Variants in FOXP1 observed in about 807,000 individuals in gnomAD.
The protein encoded by FOXP1 is forkhead box P1.
FOXP1 carries 15 observed loss-of-function variants against 98.2 expected under a neutral mutation model. The ratio of observed to expected loss-of-function variants is 0.15; its 90% CI spans 0.10 to 0.24. FOXP1 has a LOEUF of 0.24. Among genes scored for constraint, FOXP1 ranks in the 10% least tolerant of loss-of-function variants. The pLI, the probability that FOXP1 is intolerant of heterozygous loss-of-function variation, is 1.00. For missense variants in FOXP1, 633 were observed against 848.5 expected (o/e 0.75, Z 3.15); for synonymous variants, 371 against 314.5 (o/e 1.18, Z -1.90).
At chr3:71,466,296 C>T (rs892728713) in intron 3 of FOXP1, among the ~76,000 whole-genome samples, 3 of 152,112 alleles carry the variant, frequency 2.0e-5, no homozygotes, top group Non-Finnish European at 2.9e-5. Context: ...TCTGAACAGG[C>T]GAGCTGCTAA....
intron 7 of FOXP1, among the ~76,000 whole-genome samples, chr3:71,105,458 G>A (rs924969680): frequency 2.0e-5 from 3 of 152,164 alleles, no homozygotes; most frequent in African/African-American, 4.8e-5. Flanking sequence ...GCATTTTAGT[G>A]ATAATGGTAA....
At chr3:71,413,749 A>G (rs2082980223) in intron 3 of FOXP1, among the ~76,000 whole-genome samples, 1 of 152,180 alleles carries the variant, frequency 6.6e-6, no homozygotes. Flanking sequence ...CCTCATTTTG[A>G]AAATATATAT....
chr3:71,080,681 C>T (rs1490203379), intron 7 of FOXP1, among the ~76,000 whole-genome samples: 2 of 152,240 alleles, frequency 1.3e-5, no homozygotes, highest in Non-Finnish European at 2.9e-5. Flanking sequence ...TCCTTTGGAA[C>T]ACTTCAAATC....
intron 7 of FOXP1, among the ~76,000 whole-genome samples, chr3:71,071,137 A>G (rs1034360963): frequency 1.3e-5 from 2 of 152,180 alleles, no homozygotes; most frequent in African/African-American, 2.4e-5. Flanking sequence ...TGACCACATA[A>G]AAGTCTCAAG....
At position 70,954,944 on chromosome 3, in the gene FOXP1, C is replaced by G; in HGVS notation, c.*4303G>C. 1 of 232,902 alleles carries G rather than the reference C, an allele frequency of 4.3e-6. No homozygotes were observed. The highest frequency in any genetic ancestry group is 2.2e-5 in the African/African-American group (1 of 45,452). The allele number at this position is 232,902 out of a possible 1,614,324, so 14.4% of individuals were successfully genotyped here. On this transcript the variant is annotated 3_prime_UTR_variant, in exon 21 of 21. Coordinates refer to ENST00000649528, the MANE Select transcript of FOXP1 (RefSeq NM_001349338.3). Reference sequence around the variant, plus strand: ...ACATATACATGAAGCACCATGCTCACAGTCCGGACTGTATCATCTTCATCA... The same window carrying G: ...ACATATACATGAAGCACCATGCTCAGAGTCCGGACTGTATCATCTTCATCA...
At chr3:71,449,980 T>C (rs1266810639) in intron 3 of FOXP1, among the ~76,000 whole-genome samples, 1 of 152,218 alleles carries the variant, frequency 6.6e-6, no homozygotes, top group East Asian at 1.9e-4. Context: ...TCCCAACATG[T>C]CTACGAATTG....
chr3:71,196,609 T>G (rs2063317569), intron 6 of FOXP1, among the ~76,000 whole-genome samples: 1 of 152,162 alleles, frequency 6.6e-6, no homozygotes, highest in Admixed American at 6.5e-5. Context: ...ACTTGTCTGG[T>G]AAGGGCACAG....
chr3:70,981,504 G>A (rs776678016), intron 14 of FOXP1, among the ~76,000 whole-genome samples: 11 of 152,194 alleles, frequency 7.2e-5, no homozygotes, highest in Non-Finnish European at 1.5e-4. Context: ...GTGATCTAAT[G>A]ATTAAATGCT....
intron 13 of FOXP1, among the ~76,000 whole-genome samples, chr3:71,000,373 G>A (rs1437724273): frequency 1.3e-5 from 2 of 151,570 alleles, no homozygotes; most frequent in East Asian, 1.9e-4. Flanking sequence ...AGATGTGCAC[G>A]GTGAACTCTC....
chr3:71,293,821 G>A (rs1460172605), intron 5 of FOXP1, among the ~76,000 whole-genome samples: 3 of 152,144 alleles, frequency 2.0e-5, no homozygotes, highest in African/African-American at 4.8e-5. Context: ...TAACTGTTGA[G>A]AGGCCATGTC....
intron 3 of FOXP1, among the ~76,000 whole-genome samples, chr3:71,475,440 A>C (rs2089744752): frequency 6.6e-6 from 1 of 152,152 alleles, no homozygotes; most frequent in African/African-American, 2.4e-5. Context: ...AACCCATGAG[A>C]AAGGAAGGGT....
intron 13 of FOXP1, among the ~76,000 whole-genome samples, chr3:70,989,873 T>C (rs2040338373): frequency 6.6e-6 from 1 of 152,130 alleles, no homozygotes; most frequent in South Asian, 2.1e-4. Flanking sequence ...AAAATCCAAA[T>C]CCTGGGCATT....
chr3:71,033,602 C>CAAAAAAAA (rs35470748), intron 11 of FOXP1, among the ~76,000 whole-genome samples: 6 of 70,636 alleles, frequency 8.5e-5, no homozygotes, highest in Non-Finnish European at 2.2e-4. Context: ...AGTGAACAGT[C>CAAAAAAAA]AAAAAAAAAA....
At chr3:71,343,625 G>A (rs1037687369) in intron 4 of FOXP1, among the ~76,000 whole-genome samples, 6 of 132,390 alleles carry the variant, frequency 4.5e-5, no homozygotes, top group Non-Finnish European at 6.1e-5. Context: ...GAGTGATCTC[G>A]GCTCACTGCA....
chr3:71,527,980 T>G (rs1431208100), intron 2 of FOXP1, among the ~76,000 whole-genome samples: 1 of 152,262 alleles, frequency 6.6e-6, no homozygotes, highest in African/African-American at 2.4e-5. Context: ...ATACAGACTT[T>G]GGGTCATTCA....
rs145905667 is a variant in FOXP1, at chr3:71,074,522, A to G, written c.283-20749T>C. Among the ~76,000 whole-genome samples the G allele has an allele frequency of 9.0e-4, 137 of 152,292 alleles. 1 individual carries two copies. Among genetic ancestry groups the G allele is most frequent in the African/African-American group, 3.2e-3 (131 of 41,574 alleles). On this transcript the variant is annotated intron_variant, in intron 7 of 20. Coordinates refer to ENST00000649528, the MANE Select transcript of FOXP1 (RefSeq NM_001349338.3). ...GATTACAGGCGTTGAGTCACTGCAC[A>G]TGGCCAGCTTAAATTATTTAATCAG... is the stretch of plus-strand genomic sequence containing the variant.
rs1553648441 is a variant in FOXP1 at position 70,956,207 on chromosome 3, C to CA, written c.*3039dup. 8.6e-6 allele frequency: 2 copies of CA among 233,276 alleles called. No homozygotes were observed. The highest frequency in any genetic ancestry group is 1.7e-5 in the Non-Finnish European group (2 of 117,958). The allele number at this position is 233,276 out of a possible 1,614,324, so 14.5% of individuals were successfully genotyped here. A position where few individuals can be genotyped will look rare whatever the true frequency, so the allele number is the denominator to read the frequency against. ...GCCCTCTGCCCTCCCCCAAAAAAGACAAAGATTCACACAGACACATCGGGA... is the reference window on the plus strand; with the variant it reads ...GCCCTCTGCCCTCCCCCAAAAAAGACAAAAGATTCACACAGACACATCGGGA... On this transcript the variant is annotated 3_prime_UTR_variant, in exon 21 of 21. Coordinates refer to ENST00000649528, the MANE Select transcript of FOXP1 (RefSeq NM_001349338.3).
chr3:71,423,553 C>G (rs937557890), intron 3 of FOXP1, among the ~76,000 whole-genome samples: 1 of 152,262 alleles, frequency 6.6e-6, no homozygotes, highest in Non-Finnish European at 1.5e-5. Context: ...CATCCCCCTG[C>G]TGGCTGGCAT....
chr3:71,492,111 T>G (rs1447920430), intron 3 of FOXP1, among the ~76,000 whole-genome samples: 1 of 152,162 alleles, frequency 6.6e-6, no homozygotes, highest in Non-Finnish European at 1.5e-5. Flanking sequence ...AGGGCCTCAA[T>G]AACACTGATA....
Sources: allele counts gnomAD v4.1 joint callset (sites outside exome capture counted in the v4.1 genomes callset), GRCh38; gene constraint gnomAD v4.1.1; transcripts MANE v1.5; gene names NCBI Gene and HGNC (gene_info 2026-07-23, HGNC 2026-07-21).